DPP10: variants seen among roughly 807,000 people sequenced by gnomAD.
DPP10 encodes dipeptidyl peptidase like 10.
DPP10 carries 33 observed loss-of-function variants against 120.9 expected under a neutral mutation model. That is an observed-to-expected ratio of 0.27 (90% CI 0.21 to 0.37). DPP10 has a LOEUF of 0.37. Ranked by LOEUF, DPP10 falls within the 10% of genes least tolerant of loss-of-function variation. The pLI, the probability that DPP10 is intolerant of heterozygous loss-of-function variation, is 1.00. For synonymous variants in DPP10, 337 were observed against 326.1 expected (o/e 1.03, Z -0.36); for missense variants, 816 against 942.8 (o/e 0.87, Z 1.76).
At chr2:115,626,451 T>C (rs546562842) in intron 5 of DPP10, among the ~76,000 whole-genome samples, 2 of 152,272 alleles carry the variant, frequency 1.3e-5, no homozygotes, top group South Asian at 4.1e-4. Flanking sequence ...CATCTGACTT[T>C]TCTATATTTC....
At position 115,526,090 on chromosome 2, in the gene DPP10, G is replaced by A. The variant is rs981533669; in HGVS notation, c.441+118G>A. ...AATCTGGCATGTCTAGTAACTACCG[G>A]AGGACAGTAATGACTACTTTGCACA... On this transcript the variant is annotated intron_variant, in intron 5 of 25. Coordinates refer to ENST00000410059, the MANE Select transcript of DPP10 (RefSeq NM_020868.6). The A allele has an allele frequency of 2.2e-5, 16 of 716,046 alleles. No homozygotes were observed. In the African/African-American group the frequency reaches 2.7e-4, roughly 12 times the overall value. The allele number at this position is 716,046 out of a possible 1,614,324, so 44.4% of individuals were successfully genotyped here.
At chr2:115,808,807 A>G (rs981145587) in intron 19 of DPP10, among the ~76,000 whole-genome samples, 1 of 152,204 alleles carries the variant, frequency 6.6e-6, no homozygotes, top group Non-Finnish European at 1.5e-5. Flanking sequence ...GGTTAGTACA[A>G]TTTGAGAATT....
chr2:115,376,430 A>G lies in DPP10; in HGVS notation c.271+32518A>G, dbSNP rs551802262. On this transcript the variant is annotated intron_variant, in intron 3 of 25. Coordinates refer to ENST00000410059, the MANE Select transcript of DPP10 (RefSeq NM_020868.6). ...GAGTATTGTATTACCAAGTGGAGGGATAATCTTTTTTTTTCCCTTTCCTTT... is the reference window on the plus strand; with the variant it reads ...GAGTATTGTATTACCAAGTGGAGGGGTAATCTTTTTTTTTCCCTTTCCTTT... Among the ~76,000 whole-genome samples the G allele has an allele frequency of 2.6e-5, 4 of 152,054 alleles. No individual in the cohort carries two copies. In the East Asian group the frequency reaches 5.8e-4, roughly 22 times the overall value.
chr2:115,774,240 A>ACC (rs1681829450), intron 13 of DPP10, among the ~76,000 whole-genome samples: 3 of 146,344 alleles, frequency 2.0e-5, no homozygotes, highest in Non-Finnish European at 3.1e-5. Context: ...ACACACACAC[A>ACC]CCAAAATACT....
At chr2:115,277,200 A>G (rs2059954000) in intron 1 of DPP10, among the ~76,000 whole-genome samples, 2 of 152,186 alleles carry the variant, frequency 1.3e-5, no homozygotes, top group Admixed American at 1.3e-4. Flanking sequence ...GTAAACTGAA[A>G]TAAGCAATGC....
intron 1 of DPP10, among the ~76,000 whole-genome samples, chr2:114,721,068 C>G (rs910588227): frequency 2.0e-5 from 3 of 152,234 alleles, no homozygotes; most frequent in Admixed American, 6.5e-5. Flanking sequence ...ACAGCATAAC[C>G]TATCCCACCC....
intron 1 of DPP10, among the ~76,000 whole-genome samples, chr2:114,600,355 A>G (rs772929940): frequency 1.3e-5 from 2 of 151,802 alleles, no homozygotes; most frequent in African/African-American, 2.4e-5. Context: ...ATACTTTTTA[A>G]TTCAAGATTT....
chr2:115,267,299 C>T (rs10864937), intron 1 of DPP10, among the ~76,000 whole-genome samples: 60,177 of 151,874 alleles, frequency 0.4, 14,512 homozygotes, highest in Non-Finnish European at 0.54. Context: ...TTACTAATTT[C>T]GAACATATAT....
chr2:114,911,356 A>G (rs1694355160), intron 1 of DPP10, among the ~76,000 whole-genome samples: 1 of 152,182 alleles, frequency 6.6e-6, no homozygotes, highest in African/African-American at 2.4e-5. Flanking sequence ...ATTCTTCCAT[A>G]GAAATTTATT....
chr2:114,632,808 G>A (rs973804361), intron 1 of DPP10, among the ~76,000 whole-genome samples: 24 of 152,016 alleles, frequency 1.6e-4, no homozygotes, highest in Non-Finnish European at 3.1e-4. Flanking sequence ...CACTGTGCCC[G>A]GCCAGGGGGT....
chr2:114,534,046 A>G (rs1686275684), intron 1 of DPP10, among the ~76,000 whole-genome samples: 1 of 152,106 alleles, frequency 6.6e-6, no homozygotes, highest in South Asian at 2.1e-4. Flanking sequence ...ACTTTGTTCT[A>G]CTTTACAGTA....
intron 9 of DPP10, among the ~76,000 whole-genome samples, chr2:115,742,954 G>A (rs569817078): frequency 6.6e-6 from 1 of 151,648 alleles, no homozygotes; most frequent in African/African-American, 2.4e-5. Context: ...TAGCAATTCA[G>A]CACAAAACAG....
intron 1 of DPP10, among the ~76,000 whole-genome samples, chr2:115,087,537 T>C (rs1708819043): frequency 7.7e-6 from 1 of 130,192 alleles, no homozygotes; most frequent in South Asian, 2.4e-4. Flanking sequence ...TCTTTTCTTT[T>C]CTTTTTTTTT....
In DPP10 at chr2:114,501,663, C is replaced by T. The variant is rs530873178; in HGVS notation, c.60+58825C>T. Among the ~76,000 whole-genome samples, 5 of 152,230 alleles carry T rather than the reference C, an allele frequency of 3.3e-5. No individual in the cohort carries two copies. The South Asian group carries it at 1.0e-3, about 32-fold the overall frequency. ...TGATTCATTGTACATTACTACGCCC[C>T]ATTAGGTGTCTACATTACATCTTGG... On this transcript the variant is annotated intron_variant, in intron 1 of 25. Transcript: ENST00000410059.
chr2:114,655,549 A>T (rs1023113627), intron 1 of DPP10, among the ~76,000 whole-genome samples: 3 of 152,158 alleles, frequency 2.0e-5, no homozygotes, highest in Non-Finnish European at 4.4e-5. Flanking sequence ...ATTCTTTAGG[A>T]AAAAGAGTTA....
intron 1 of DPP10, among the ~76,000 whole-genome samples, chr2:115,238,721 T>G (rs1453961193): frequency 6.6e-6 from 1 of 152,238 alleles, no homozygotes; most frequent in Non-Finnish European, 1.5e-5. Context: ...AAATACGATG[T>G]GAACATTGTT....
intron 5 of DPP10, among the ~76,000 whole-genome samples, chr2:115,581,523 G>T (rs991656456): frequency 2.0e-5 from 3 of 151,896 alleles, no homozygotes; most frequent in African/African-American, 7.3e-5. Flanking sequence ...TTGCTCAGCC[G>T]CTCATGCTAC....
chr2:114,875,821 T>C lies in DPP10; in HGVS notation c.60+432983T>C, dbSNP rs142011289. ...TGTATAATTTAGAGAGATACTTTAA[T>C]TAGAATATCAATTATTTCCAAATAT... On this transcript the variant is annotated intron_variant, in intron 1 of 25. Transcript: ENST00000410059. Among the ~76,000 whole-genome samples the C allele has an allele frequency of 3.5e-4, 54 of 152,232 alleles. No individual in the cohort carries two copies. In the East Asian group the frequency reaches 0.01, roughly 29 times the overall value.
At chr2:115,630,806 A>G (rs1449034831) in intron 5 of DPP10, among the ~76,000 whole-genome samples, 2 of 152,096 alleles carry the variant, frequency 1.3e-5, no homozygotes, top group African/African-American at 4.8e-5. Flanking sequence ...CCAGTTTGCC[A>G]GTATTTTGTT....
Sources: gnomAD v4.1 joint callset for allele counts (sites outside exome capture counted in the v4.1 genomes callset) on GRCh38, gnomAD v4.1.1 for gene constraint, MANE v1.5 for transcripts, NCBI Gene and HGNC (gene_info 2026-07-23, HGNC 2026-07-21) for gene names.